Variants in KDM4B observed in about 807,000 individuals in gnomAD.
KDM4B encodes lysine-specific demethylase 4B.
Under a neutral mutation model 125.2 loss-of-function variants are expected in KDM4B, and 32 were observed. The ratio of observed to expected loss-of-function variants is 0.26; its 90% CI spans 0.19 to 0.34. KDM4B has a LOEUF of 0.34. Ranked by LOEUF, KDM4B falls within the 10% of genes least tolerant of loss-of-function variation. The pLI, the probability that KDM4B is intolerant of heterozygous loss-of-function variation, is 1.00. For synonymous variants in KDM4B, 721 were observed against 677.9 expected, an observed-to-expected ratio of 1.06 and a Z score of -0.99; for missense variants, 1,190 against 1,577.7, an observed-to-expected ratio of 0.75 and a Z score of 4.16.
Position 5,144,814 on chromosome 19 carries a change from C to T in KDM4B, c.2933C>T (p.Ser978Phe), listed in dbSNP as rs267605545. ...GACTGTGTCCAGCTGGGACCCCCTTCCGAGGGGGAGCTGGTGGAGCTCCGG... is the reference window on the plus strand; with the variant it reads ...GACTGTGTCCAGCTGGGACCCCCTTTCGAGGGGGAGCTGGTGGAGCTCCGG... ...SRDCVQLGPP[S>F]EGELVELRWT... The change falls in exon 21 of 23, where the codon TCC becomes TTC. Residue 978 changes from serine to phenylalanine, a missense_variant. Physicochemically the swap from Ser to Phe is radical, Grantham distance 155. Coordinates refer to ENST00000159111, the MANE Select transcript of KDM4B (RefSeq NM_015015.3). 1 of 1,613,398 alleles carries T rather than the reference C, an allele frequency of 6.2e-7. No individual in the cohort carries two copies. Among genetic ancestry groups the T allele is most frequent in the Non-Finnish European group, 8.5e-7 (1 of 1,179,860 alleles).
intron 2 of KDM4B, among the ~76,000 whole-genome samples, chr19:5,031,530 C>T (rs2036457558): frequency 6.6e-6 from 1 of 152,212 alleles, no homozygotes; most frequent in Non-Finnish European, 1.5e-5. Flanking sequence ...TGGAGCTGTG[C>T]GGTTTTGTCA....
intron 2 of KDM4B, among the ~76,000 whole-genome samples, chr19:5,019,173 G>A (rs1215989052): frequency 3.4e-5 from 5 of 146,740 alleles, no homozygotes; most frequent in Non-Finnish European, 6.0e-5. Flanking sequence ...TGCAGGTGCT[G>A]GTGTGGGTGT....
chr19:5,039,286 A>T (rs1276886106), intron 3 of KDM4B, among the ~76,000 whole-genome samples: 2 of 152,086 alleles, frequency 1.3e-5, no homozygotes, highest in Non-Finnish European at 1.5e-5. Flanking sequence ...TCTAGAGAAA[A>T]TTAAAATTTT....
chr19:5,066,114 T>G (rs568304615), intron 6 of KDM4B, among the ~76,000 whole-genome samples: 1 of 152,324 alleles, frequency 6.6e-6, no homozygotes, highest in East Asian at 1.9e-4. Flanking sequence ...GGGCTCAGCC[T>G]CAGTTGCTCT....
intron 2 of KDM4B, among the ~76,000 whole-genome samples, chr19:5,020,185 G>A (rs1041336310): frequency 7.4e-6 from 1 of 135,748 alleles, no homozygotes; most frequent in African/African-American, 2.5e-5. Flanking sequence ...GGGTGTTGGT[G>A]TGCAGGTGTT....
At chr19:5,004,364 C>A (rs914839334) in intron 1 of KDM4B, among the ~76,000 whole-genome samples, 2 of 152,190 alleles carry the variant, frequency 1.3e-5, no homozygotes, top group African/African-American at 2.4e-5. Context: ...GAGTGCATGG[C>A]CCACAGTGGG....
intron 5 of KDM4B, among the ~76,000 whole-genome samples, chr19:5,042,204 A>G (rs573941971): frequency 1.3e-5 from 2 of 152,354 alleles, no homozygotes; most frequent in South Asian, 4.1e-4. Flanking sequence ...TTGCACTGCT[A>G]TAAAGAAATA....
At chr19:4,972,995 C>T (rs776480685) in intron 1 of KDM4B, among the ~76,000 whole-genome samples, 5 of 152,184 alleles carry the variant, frequency 3.3e-5, no homozygotes, top group Admixed American at 3.3e-4. Flanking sequence ...TTGGCAGGTC[C>T]TTGCCCAGGC....
chr19:5,026,570 C>T (rs565782075), intron 2 of KDM4B, among the ~76,000 whole-genome samples: 1 of 152,194 alleles, frequency 6.6e-6, no homozygotes, highest in African/African-American at 2.4e-5. Flanking sequence ...GTCCCAGAAC[C>T]GAAACTCTGC....
At chr19:5,037,663 C>T (rs533266783) in intron 3 of KDM4B, among the ~76,000 whole-genome samples, 31 of 152,324 alleles carry the variant, frequency 2.0e-4, no homozygotes, top group African/African-American at 7.2e-4. Flanking sequence ...GACTTGGGGC[C>T]GCATCGTTCT....
intron 9 of KDM4B, among the ~76,000 whole-genome samples, chr19:5,096,833 G>A (rs1254661621): frequency 3.3e-5 from 5 of 152,012 alleles, no homozygotes; most frequent in South Asian, 2.1e-4. Context: ...TCGGTGGTGC[G>A]TGTTGCCGTG....
rs568613132 is a variant in KDM4B at position 4,997,798 on chromosome 19, G to T, written c.-108-18459G>T. Among the ~76,000 whole-genome samples the T allele has an allele frequency of 6.6e-6, 1 of 152,188 alleles. No homozygotes were observed. Among genetic ancestry groups the T allele is most frequent in the African/African-American group, 2.4e-5 (1 of 41,432 alleles). ...TACTGTCTGGTCTGTTCCAAAGGCC[G>T]CAGGCCCCAGAAAGACGGTGACACT... On this transcript the variant is annotated intron_variant, in intron 1 of 22. Transcript: ENST00000159111. The surrounding 1 kb of genome is among the most constrained non-coding windows in gnomAD (Gnocchi z 4.2).
chr19:5,049,308 G>A (rs951094011), intron 6 of KDM4B, among the ~76,000 whole-genome samples: 12 of 152,180 alleles, frequency 7.9e-5, no homozygotes, highest in African/African-American at 2.4e-4. Flanking sequence ...CCTCTGCTTC[G>A]CCTGGTGCCG....
chr19:5,114,957 C>T lies in KDM4B; in HGVS notation c.1115+4139C>T, dbSNP rs974881458. On this transcript the variant is annotated intron_variant, in intron 10 of 22. Transcript: ENST00000159111. The surrounding 1 kb of genome is among the most constrained non-coding windows in gnomAD (Gnocchi z 5.8). ...TGAGCCCAGCGGCGTCCAGTTAAGCCTGGCAGGCTAAGTGCTTATTTATCT... is the reference window on the plus strand; with the variant it reads ...TGAGCCCAGCGGCGTCCAGTTAAGCTTGGCAGGCTAAGTGCTTATTTATCT... Among the ~76,000 whole-genome samples, 3 of 152,252 alleles carry T rather than the reference C, an allele frequency of 2.0e-5. No homozygotes were observed. Among genetic ancestry groups the T allele is most frequent in the Non-Finnish European group, 4.4e-5 (3 of 68,052 alleles).
In KDM4B at chr19:5,039,958, C is replaced by T. The variant is rs2036752550; in HGVS notation, c.264C>T (p.Ile88=). The part of the protein sequence containing the change: ...GQSGLFTQYN[I]QKKAMTVGEY... ...CGGGCCTCTTCACGCAGTACAATAT[C>T]CAGAAGAAGGCCATGACAGTGGGCG... Residue 88 remains isoleucine, a synonymous_variant, in exon 4 of 23, where the codon ATC becomes ATT. Coordinates refer to ENST00000159111, the MANE Select transcript of KDM4B (RefSeq NM_015015.3). The T allele has an allele frequency of 1.2e-6, 2 of 1,612,708 alleles. No individual in the cohort carries two copies. The highest frequency in any genetic ancestry group is 3.3e-5 in the Admixed American group (2 of 59,990).
At chr19:4,983,625 G>T (rs1404972740) in intron 1 of KDM4B, among the ~76,000 whole-genome samples, 1 of 152,244 alleles carries the variant, frequency 6.6e-6, no homozygotes, top group Non-Finnish European at 1.5e-5. Context: ...CGCAGGGCTG[G>T]TGGGGCTTAG....
intron 17 of KDM4B, 31 bp from the exon 18 acceptor site, chr19:5,137,931 G>C: frequency 4.4e-6 from 7 of 1,574,080 alleles, no homozygotes; most frequent in Non-Finnish European, 6.1e-6. Context: ...CCTCAGAGGC[G>C]CACCTGACCC....
chr19:5,028,932 C>T (rs904373440), intron 2 of KDM4B, among the ~76,000 whole-genome samples: 6 of 152,084 alleles, frequency 3.9e-5, no homozygotes, highest in African/African-American at 9.7e-5. Context: ...GACATGGTTT[C>T]GCTCCTGTAG....
chr19:5,129,718 C>G (rs997970318), intron 11 of KDM4B, among the ~76,000 whole-genome samples: 3 of 152,180 alleles, frequency 2.0e-5, no homozygotes, highest in African/African-American at 7.2e-5. Flanking sequence ...CCAGAATGTC[C>G]CAAGAGCCTT....
Sources: gnomAD v4.1 joint callset for allele counts (sites outside exome capture counted in the v4.1 genomes callset) on GRCh38, gnomAD v4.1.1 for gene constraint, Gnocchi (gnomAD v3.1) non-coding constraint, MANE v1.5 for transcripts, NCBI Gene and HGNC (gene_info 2026-07-23, HGNC 2026-07-21) for gene names.